Variants in RPGRIP1L observed in about 807,000 individuals in gnomAD.
RPGRIP1L encodes RPGRIP1 like.
A neutral mutation model predicts 160.4 loss-of-function variants in RPGRIP1L; 131 were observed. The ratio of observed to expected loss-of-function variants is 0.82; its 90% CI spans 0.71 to 0.94. The LOEUF (loss-of-function observed/expected upper bound fraction) is 0.94, where lower values mean the gene tolerates loss of function less well. RPGRIP1L is among the 40% of genes least tolerant of loss of function. The pLI is 0.00. For synonymous variants in RPGRIP1L, 510 were observed against 515.8 expected (o/e 0.99, Z 0.15); for missense variants, 1,522 against 1,535.8 (o/e 0.99, Z 0.15).
chr16:53,630,891 C>T (rs1965475860), intron 22 of RPGRIP1L, among the ~76,000 whole-genome samples: 1 of 152,068 alleles, frequency 6.6e-6, no homozygotes, highest in Non-Finnish European at 1.5e-5. Flanking sequence ...CGCCAACACG[C>T]CCGGCTAATT....
chr16:53,668,557 A>C (rs537987222), intron 9 of RPGRIP1L, among the ~76,000 whole-genome samples: 5 of 152,238 alleles, frequency 3.3e-5, no homozygotes, highest in Admixed American at 3.3e-4. Flanking sequence ...ATAGGCGAAG[A>C]AGCTCTGAAG....
chr16:53,683,848 A>G (rs1259105363), intron 6 of RPGRIP1L, among the ~76,000 whole-genome samples: 1 of 152,190 alleles, frequency 6.6e-6, no homozygotes, highest in Non-Finnish European at 1.5e-5. Context: ...GGGAAATAAA[A>G]TATCGTACAT....
intron 9 of RPGRIP1L, among the ~76,000 whole-genome samples, chr16:53,670,654 G>A (rs1312370234): frequency 6.6e-6 from 1 of 152,126 alleles, no homozygotes; most frequent in Non-Finnish European, 1.5e-5. Flanking sequence ...AGATAAAGAT[G>A]CTTGTGTTTC....
At chr16:53,652,261 C>T (rs997709617) in intron 15 of RPGRIP1L, among the ~76,000 whole-genome samples, 36 of 152,116 alleles carry the variant, frequency 2.4e-4, no homozygotes, top group African/African-American at 8.2e-4. Flanking sequence ...TTACTAGAGA[C>T]GGGGTTTTGC....
chr16:53,665,786 T>C (rs1297004394), intron 9 of RPGRIP1L, among the ~76,000 whole-genome samples: 1 of 152,100 alleles, frequency 6.6e-6, no homozygotes, highest in Admixed American at 6.6e-5. Flanking sequence ...TCAACATTCG[T>C]TTATGCCAGT....
At chr16:53,642,096 C>A (rs1966256130) in intron 17 of RPGRIP1L, among the ~76,000 whole-genome samples, 1 of 152,040 alleles carries the variant, frequency 6.6e-6, no homozygotes, top group Admixed American at 6.6e-5. Flanking sequence ...AAACTTGAAT[C>A]TGTTATATTG....
rs1187280209 is a variant in RPGRIP1L at position 53,641,113 on chromosome 16, G to A, written c.2878C>T (p.Pro960Ser). The A allele has an allele frequency of 1.2e-6, 2 of 1,612,894 alleles. No homozygotes were observed. Among genetic ancestry groups the A allele is most frequent in the Non-Finnish European group, 1.7e-6 (2 of 1,179,186 alleles). ...AAACGTTGTCTTGGTTTAGGTCTTG[G>A]TGCCTAAGACAAACCAACCAATGTG... The part of the protein sequence containing the change: ...ASSVSTLVLA[P>S]RPKPRQRLTP... Residue 960 changes from proline to serine, a missense_variant, in exon 19 of 27, where the codon CCA becomes TCA. By Grantham distance (74) the Pro-to-Ser change is moderately conservative (BLOSUM62 -1). Transcript: ENST00000647211.
intron 7 of RPGRIP1L, among the ~76,000 whole-genome samples, chr16:53,674,043 A>T (rs191429049): frequency 2.2e-4 from 34 of 152,252 alleles, no homozygotes; most frequent in Non-Finnish European, 4.1e-4. Context: ...GGATTTTTAA[A>T]ATTTCCTTCT....
intron 17 of RPGRIP1L, 56 bp from the exon 18 acceptor site, chr16:53,641,531 A>T: frequency 1.4e-6 from 2 of 1,476,314 alleles, no homozygotes; most frequent in Middle Eastern, 1.8e-4. Context: ...TTACTGTAAG[A>T]ATTAAAGAAC....
intron 4 of RPGRIP1L, among the ~76,000 whole-genome samples, chr16:53,688,465 AG>A (rs1970168841): frequency 1.3e-5 from 2 of 152,182 alleles, no homozygotes; most frequent in South Asian, 4.1e-4. Context: ...AGGTACTTTG[AG>A]AATGGATCAT....
At chr16:53,647,912 T>C (rs1029725222) in intron 16 of RPGRIP1L, among the ~76,000 whole-genome samples, 1 of 152,006 alleles carries the variant, frequency 6.6e-6, no homozygotes, top group Non-Finnish European at 1.5e-5. Context: ...AAGACCATCC[T>C]GCCTAACACA....
chr16:53,602,139 T>G lies in RPGRIP1L; in HGVS notation c.3885A>C (p.Thr1295=). The G allele has an allele frequency of 6.2e-7, 1 of 1,614,100 alleles. No homozygotes were observed. Among genetic ancestry groups the G allele is most frequent in the Non-Finnish European group, 8.5e-7 (1 of 1,179,984 alleles). Residue 1295 remains threonine (T), a synonymous_variant, in exon 27 of 27, where the codon ACA becomes ACC. Coordinates refer to ENST00000647211, the MANE Select transcript of RPGRIP1L (RefSeq NM_015272.5). ...ACTGGAGGGCATGGAGAGCTTCGAC[T>G]GTTACCCTGAGCTTGCCAATACCTT... The part of the protein sequence containing the change: ...DGEGIGKLRV[T]VEALHALQSV...
intron 6 of RPGRIP1L, among the ~76,000 whole-genome samples, chr16:53,676,522 A>G (rs1969184787): frequency 1.3e-5 from 2 of 152,198 alleles, no homozygotes; most frequent in Admixed American, 1.3e-4. Flanking sequence ...CTCAGCAGTG[A>G]ATGACATTTA....
At chr16:53,631,056 ACT>A (rs1965486410) in intron 22 of RPGRIP1L, among the ~76,000 whole-genome samples, 1 of 151,890 alleles carries the variant, frequency 6.6e-6, no homozygotes, top group Non-Finnish European at 1.5e-5. Flanking sequence ...TTTAAAACCT[ACT>A]CTCTATCTAG....
At chr16:53,608,185 G>A (rs1387942220) in intron 25 of RPGRIP1L, among the ~76,000 whole-genome samples, 2 of 152,142 alleles carry the variant, frequency 1.3e-5, no homozygotes, top group East Asian at 3.9e-4. Context: ...CATGCCTGGA[G>A]TTCCCTTTGC....
Position 53,692,153 on chromosome 16 carries a change from T to C in RPGRIP1L, c.442A>G (p.Thr148Ala). The C allele has an allele frequency of 6.2e-7, 1 of 1,614,154 alleles. No individual in the cohort carries two copies. Among genetic ancestry groups the C allele is most frequent in the African/African-American group, 1.3e-5 (1 of 75,040 alleles). The change falls in exon 4 of 27, where the codon ACT (threonine) becomes GCT (alanine). Residue 148 changes from threonine to alanine, a missense_variant. Thr to Ala is a moderately conservative substitution (Grantham distance 58, BLOSUM62 0). Coordinates refer to ENST00000647211, the MANE Select transcript of RPGRIP1L (RefSeq NM_015272.5). ...CGAGATTGTACATTATTGTATGGAG[T>C]TTGCCTGTAACCCTGGGTTTGAAGT... ...QQLQTQGYRQ[T>A]PYNNVQSRIN... is the part of the protein sequence containing the mutation.
At chr16:53,696,927 C>A (rs1433272248) in intron 2 of RPGRIP1L, among the ~76,000 whole-genome samples, 1 of 152,180 alleles carries the variant, frequency 6.6e-6, no homozygotes, top group South Asian at 2.1e-4. Context: ...GGCTTGGTGG[C>A]TCACGCCTGT....
chr16:53,674,312 T>C (rs752944134), intron 7 of RPGRIP1L, among the ~76,000 whole-genome samples: 1 of 152,170 alleles, frequency 6.6e-6, no homozygotes, highest in Non-Finnish European at 1.5e-5. Context: ...TTACTTCACA[T>C]AAATTCTGCT....
intron 22 of RPGRIP1L, among the ~76,000 whole-genome samples, chr16:53,634,552 T>G (rs555931829): frequency 1.3e-5 from 2 of 152,210 alleles, no homozygotes; most frequent in African/African-American, 4.8e-5. Flanking sequence ...TGGGAGGTGT[T>G]TGGGTCATGG....
Sources: gnomAD v4.1 joint callset for allele counts (sites outside exome capture counted in the v4.1 genomes callset) on GRCh38, gnomAD v4.1.1 for gene constraint, MANE v1.5 for transcripts, NCBI Gene and HGNC (gene_info 2026-07-23, HGNC 2026-07-21) for gene names.